ESRRB: variants seen among roughly 807,000 people sequenced by gnomAD.
The protein encoded by ESRRB is steroid hormone receptor ERR2.
Under a neutral mutation model 46.0 loss-of-function variants are expected in ESRRB, and 16 were observed. The observed-to-expected ratio is 0.35, with a 90% CI of 0.24 to 0.53. The LOEUF is 0.53. Ranked by LOEUF, ESRRB falls within the 20% of genes least tolerant of loss-of-function variation. The pLI is 0.93. For synonymous variants in ESRRB, 246 were observed against 259.6 expected (o/e 0.95, Z 0.50); for missense variants, 488 against 607.4 (o/e 0.80, Z 2.07).
At chr14:76,407,154 G>A (rs1172367065) in intron 1 of ESRRB, among the ~76,000 whole-genome samples, 1 of 152,206 alleles carries the variant, frequency 6.6e-6, no homozygotes, top group Non-Finnish European at 1.5e-5. Flanking sequence ...CTTTCTAGGA[G>A]TCCTTAAAAT....
chr14:76,349,336 G>A (rs1433492372), intron 1 of ESRRB, among the ~76,000 whole-genome samples: 1 of 152,196 alleles, frequency 6.6e-6, no homozygotes, highest in Non-Finnish European at 1.5e-5. Context: ...GGAAAGGCAA[G>A]ATCTCAGTGG....
In ESRRB at chr14:76,452,838, A is replaced by AT. The variant is rs1439005927; in HGVS notation, c.461-9706dup. Among the ~76,000 whole-genome samples the AT allele has an allele frequency of 5.9e-5, 9 of 152,294 alleles. No individual in the cohort carries two copies. The East Asian group carries it at 1.7e-3, about 29-fold the overall frequency. On this transcript the variant is annotated intron_variant, in intron 2 of 6. Transcript: ENST00000644823. ...GAGTCAGGGTGGGAAGGAGCATGAG[A>AT]TAATGGATAAAGTTTTGGACATATT... is the stretch of plus-strand genomic sequence containing the variant.
At chr14:76,485,315 A>T (rs924825893) in intron 5 of ESRRB, among the ~76,000 whole-genome samples, 2 of 138,298 alleles carry the variant, frequency 1.4e-5, no homozygotes, top group Admixed American at 8.6e-5. Context: ...ATCTCGGCTC[A>T]CTGCAATCTC....
At chr14:76,325,084 C>T (rs1231124959) in intron 1 of ESRRB, among the ~76,000 whole-genome samples, 1 of 151,466 alleles carries the variant, frequency 6.6e-6, no homozygotes, top group Admixed American at 6.6e-5. Flanking sequence ...CCTGCCTCAG[C>T]CTCCCGAGTA....
Position 76,439,316 on chromosome 14 carries a change from C to A in ESRRB, c.51-25C>A, listed in dbSNP as rs763687043. 8.1e-6 allele frequency: 13 copies of A among 1,613,506 alleles called. No homozygotes were observed. The South Asian group carries it at 1.4e-4, about 18-fold the overall frequency. On this transcript the variant is annotated intron_variant, in intron 1 of 6. Coordinates refer to ENST00000644823, the MANE Select transcript of ESRRB (RefSeq NM_001379180.1). ...CCACACCCACAGCACCTTGCTGGGG[C>A]TGACTTCCCGATTTGTGTCCACAGG...
At chr14:76,479,218 T>G (rs914657000) in intron 3 of ESRRB, among the ~76,000 whole-genome samples, 1 of 93,674 alleles carries the variant, frequency 1.1e-5, no homozygotes, top group Non-Finnish European at 2.1e-5. Flanking sequence ...ACTGTCTGTT[T>G]GTGTGTGTGT....
intron 5 of ESRRB, among the ~76,000 whole-genome samples, chr14:76,486,538 C>T (rs1283175542): frequency 6.6e-6 from 1 of 151,610 alleles, no homozygotes; most frequent in Non-Finnish European, 1.5e-5. Context: ...TTATGAACTC[C>T]ACTTGCCACA....
intron 1 of ESRRB, among the ~76,000 whole-genome samples, chr14:76,346,057 G>C (rs577438056): frequency 6.6e-6 from 1 of 151,988 alleles, no homozygotes; most frequent in African/African-American, 2.4e-5. Context: ...TGCCGGAAAC[G>C]CTTGGTGTTT....
chr14:76,401,383 C>T (rs1331234394), intron 1 of ESRRB, among the ~76,000 whole-genome samples: 1 of 152,206 alleles, frequency 6.6e-6, no homozygotes, highest in Admixed American at 6.5e-5. Context: ...CTCCAGCCCT[C>T]TTCGATTCTG....
At chr14:76,422,053 GT>G (rs1447362242) in intron 1 of ESRRB, among the ~76,000 whole-genome samples, 1 of 152,100 alleles carries the variant, frequency 6.6e-6, no homozygotes, top group African/African-American at 2.4e-5. Context: ...AGTGTGATAA[GT>G]GACAGTCTTG....
intron 2 of ESRRB, among the ~76,000 whole-genome samples, chr14:76,446,369 GTTT>G (rs3832965): frequency 0.2 from 29,328 of 145,924 alleles, 3,453 homozygotes; most frequent in Non-Finnish European, 0.26. Flanking sequence ...TCTGTTGTTC[GTTT>G]TTTTTTTTTG....
intron 2 of ESRRB, among the ~76,000 whole-genome samples, chr14:76,460,414 G>A (rs1036578023): frequency 6.6e-6 from 1 of 152,230 alleles, no homozygotes; most frequent in African/African-American, 2.4e-5. Context: ...AGGCTGTTGT[G>A]AGGACTGAGG....
At chr14:76,428,438 G>A (rs552010463) in intron 1 of ESRRB, among the ~76,000 whole-genome samples, 2 of 152,250 alleles carry the variant, frequency 1.3e-5, no homozygotes, top group African/African-American at 4.8e-5. Flanking sequence ...GAGTTTGGGG[G>A]CATATTCTGA....
chr14:76,472,701 T>C (rs1175564111), intron 3 of ESRRB, among the ~76,000 whole-genome samples: 1 of 152,202 alleles, frequency 6.6e-6, no homozygotes, highest in Non-Finnish European at 1.5e-5. Flanking sequence ...GGAATGCCCA[T>C]CAGCATGCCC....
intron 1 of ESRRB, among the ~76,000 whole-genome samples, chr14:76,364,965 C>T (rs995891379): frequency 3.3e-5 from 5 of 152,052 alleles, no homozygotes; most frequent in Non-Finnish European, 5.9e-5. Context: ...TAAAAACAAA[C>T]GATAAGCTGT....
At chr14:76,442,118 C>T (rs777679510) in intron 2 of ESRRB, among the ~76,000 whole-genome samples, 3 of 152,138 alleles carry the variant, frequency 2.0e-5, no homozygotes, top group Non-Finnish European at 4.4e-5. Context: ...TTCCATCGTC[C>T]CCTTATAGCT....
At chr14:76,472,222 A>G (rs1465348244) in intron 3 of ESRRB, among the ~76,000 whole-genome samples, 1 of 152,250 alleles carries the variant, frequency 6.6e-6, no homozygotes, top group East Asian at 1.9e-4. Flanking sequence ...TCTCTGTGTC[A>G]GGCGTACAGT....
In ESRRB at chr14:76,312,014, T is replaced by C. The variant is rs147412603; in HGVS notation, c.2+1098T>C. 6.4e-3 allele frequency among the ~76,000 whole-genome samples: 866 copies of C among 135,432 alleles called. 9 individuals are homozygous for C. The highest frequency in any genetic ancestry group is 0.031 in the South Asian group (116 of 3,732). 88.8% of individuals were successfully genotyped at this position (135,432 alleles called of 152,430 possible). On this transcript the variant is annotated intron_variant, in intron 1 of 6. Transcript: ENST00000512784. ...AAAAGTAATGATGCCTAATTTATAC[T>C]TAAGTACAACTTTTTAAATGTACCT...
chr14:76,467,191 G>A (rs1889153441), intron 3 of ESRRB, among the ~76,000 whole-genome samples: 1 of 151,972 alleles, frequency 6.6e-6, no homozygotes. Flanking sequence ...CTCCCTTGAT[G>A]CGTTAAAATA....
Sources: allele counts gnomAD v4.1 joint callset (sites outside exome capture counted in the v4.1 genomes callset), GRCh38; gene constraint gnomAD v4.1.1; transcripts MANE v1.5; gene names NCBI Gene and HGNC (gene_info 2026-07-23, HGNC 2026-07-21).